Variants in TBC1D14 observed in about 807,000 individuals in gnomAD.
The protein encoded by TBC1D14 is TBC1 domain family, member 14.
A neutral mutation model predicts 79.0 loss-of-function variants in TBC1D14; 26 were observed. That is an observed-to-expected ratio of 0.33 (90% CI 0.24 to 0.46). TBC1D14 has a LOEUF of 0.46. Ranked by LOEUF, TBC1D14 falls within the 20% of genes least tolerant of loss-of-function variation. TBC1D14 has a pLI of 1.00. For missense variants in TBC1D14, 769 were observed against 887.6 expected (o/e 0.87, Z 1.70); for synonymous variants, 394 against 349.9 (o/e 1.13, Z -1.40).
chr4:6,942,876 A>G (rs1183583017), intron 2 of TBC1D14, among the ~76,000 whole-genome samples: 1 of 152,186 alleles, frequency 6.6e-6, no homozygotes, highest in African/African-American at 2.4e-5. Flanking sequence ...TATCCCTTTT[A>G]GAGGTTCGTT....
At chr4:6,930,002 C>G (rs992990642) in intron 2 of TBC1D14, among the ~76,000 whole-genome samples, 4 of 152,198 alleles carry the variant, frequency 2.6e-5, no homozygotes, top group African/African-American at 7.2e-5. Context: ...CACCCTGTCT[C>G]TTGTAACATG....
rs79639066 is a variant in TBC1D14 at position 6,965,135 on chromosome 4, A to G, written c.723-2169A>G. Among the ~76,000 whole-genome samples, 302 of 150,954 alleles carry G rather than the reference A, an allele frequency of 2.0e-3. 1 individual carries two copies. Among genetic ancestry groups the G allele is most frequent in the Non-Finnish European group, 3.2e-3 (220 of 67,864 alleles). ...GTTGTCAAATCCACAGTCTGTAACC[A>G]TACTTCATCAATTGTCCCAATAATC... On this transcript the variant is annotated intron_variant, in intron 2 of 13. Coordinates refer to ENST00000409757, the MANE Select transcript of TBC1D14 (RefSeq NM_020773.3).
At chr4:6,998,955 T>C in intron 5 of TBC1D14, 130 bp from the exon 6 acceptor site, 1 of 760,516 alleles carries the variant, frequency 1.3e-6, no homozygotes, top group Non-Finnish European at 2.2e-6. Flanking sequence ...AAGTGAGCGC[T>C]GGAGCTGATG....
intron 13 of TBC1D14, among the ~76,000 whole-genome samples, chr4:7,029,967 C>T (rs1400003429): frequency 1.3e-5 from 2 of 152,178 alleles, no homozygotes; most frequent in Non-Finnish European, 2.9e-5. Flanking sequence ...GGAGGAGGAA[C>T]AGGGTGGCAG....
chr4:6,967,481 A>G (rs994114371), intron 3 of TBC1D14, 57 bp downstream of exon 3: 1 of 1,573,884 alleles, frequency 6.4e-7, no homozygotes, highest in Non-Finnish European at 8.6e-7. Context: ...GCATATATTC[A>G]TGAACCTTGC....
Position 6,924,053 on chromosome 4 carries a change from G to A in TBC1D14, c.664G>A (p.Glu222Lys). ...CTTACACCAGCAGGACTGTGTTCAT[G>A]AAGCTGAGGAGGGGAGTAAATTGAA... is the stretch of plus-strand genomic sequence containing the variant. ...RGLHQQDCVH[E>K]AEEGSKLKIL... Residue 222 changes from glutamate (E) to lysine (K), a missense_variant, in exon 2 of 14, where the codon GAA (glutamate) becomes AAA (lysine). Around this residue, in one of 2 missense-constraint regions of TBC1D14, gnomAD observed 402 missense variants for 393.2 expected, o/e 1.02. Transcript: ENST00000409757. 1 of 1,614,084 alleles carries A rather than the reference G, an allele frequency of 6.2e-7. No individual in the cohort carries two copies. Among genetic ancestry groups the A allele is most frequent in the Non-Finnish European group, 8.5e-7 (1 of 1,180,024 alleles).
chr4:6,936,380 A>G (rs1354424951), intron 2 of TBC1D14, among the ~76,000 whole-genome samples: 4 of 152,212 alleles, frequency 2.6e-5, no homozygotes. Context: ...TGCCTTTTCC[A>G]GAATGCCATA....
intron 11 of TBC1D14, among the ~76,000 whole-genome samples, chr4:7,011,924 T>C (rs1460594225): frequency 6.6e-6 from 1 of 152,116 alleles, no homozygotes; most frequent in Non-Finnish European, 1.5e-5. Flanking sequence ...ATACTTTAGA[T>C]CATCTAGGGA....
At chr4:6,988,969 T>C (rs1414261913) in intron 3 of TBC1D14, among the ~76,000 whole-genome samples, 1 of 142,848 alleles carries the variant, frequency 7.0e-6, no homozygotes, top group Non-Finnish European at 1.5e-5. Context: ...CTTGAACTCC[T>C]GGGCTCAAGT....
rs570021103 is a variant in TBC1D14 at position 6,974,268 on chromosome 4, A to T, written c.843+6844A>T. ...AGCTGATTAGAAGAATTTTGTTTCCAAGGGGTAAAGTGTGAACCCCCCGAT... is the reference window on the plus strand; with the variant it reads ...AGCTGATTAGAAGAATTTTGTTTCCTAGGGGTAAAGTGTGAACCCCCCGAT... On this transcript the variant is annotated intron_variant, in intron 3 of 13. Transcript: ENST00000409757. Among the ~76,000 whole-genome samples the T allele has an allele frequency of 5.9e-5, 9 of 152,238 alleles. No homozygotes were observed. The East Asian group carries it at 1.5e-3, about 26-fold the overall frequency.
chr4:7,025,492 C>G (rs1722271380), intron 13 of TBC1D14, among the ~76,000 whole-genome samples: 1 of 152,208 alleles, frequency 6.6e-6, no homozygotes, highest in South Asian at 2.1e-4. Flanking sequence ...TGAAAGCCTT[C>G]CCACCTCCTC....
At chr4:6,942,167 C>T (rs914941252) in intron 2 of TBC1D14, among the ~76,000 whole-genome samples, 1 of 152,190 alleles carries the variant, frequency 6.6e-6, no homozygotes, top group Non-Finnish European at 1.5e-5. Flanking sequence ...CTCCTATTTC[C>T]TATCTTAAAT....
chr4:7,017,330 G>T (rs1577178917), intron 12 of TBC1D14, among the ~76,000 whole-genome samples: 1 of 152,042 alleles, frequency 6.6e-6, no homozygotes, highest in Non-Finnish European at 1.5e-5. Context: ...TAAAACTGAG[G>T]CTCAGAGAGG....
At chr4:6,915,683 T>C (rs972361847) in intron 1 of TBC1D14, among the ~76,000 whole-genome samples, 1 of 152,058 alleles carries the variant, frequency 6.6e-6, no homozygotes, top group African/African-American at 2.4e-5. Flanking sequence ...ACTCATTAAA[T>C]TGCCATCCTG....
At chr4:6,992,274 C>T (rs1389101448) in intron 3 of TBC1D14, among the ~76,000 whole-genome samples, 1 of 152,224 alleles carries the variant, frequency 6.6e-6, no homozygotes, top group African/African-American at 2.4e-5. Context: ...GCAGAGGCCA[C>T]ACCTAAGCCG....
chr4:6,996,455 G>A (rs756629037), intron 5 of TBC1D14, 48 bp downstream of exon 5: 1 of 1,397,064 alleles, frequency 7.2e-7, no homozygotes, highest in East Asian at 2.3e-5. Flanking sequence ...CACAGGGTTT[G>A]TGTCTTTCTG....
intron 1 of TBC1D14, among the ~76,000 whole-genome samples, chr4:6,918,754 T>A (rs1205936127): frequency 6.6e-6 from 1 of 152,240 alleles, no homozygotes; most frequent in African/African-American, 2.4e-5. Flanking sequence ...GTTGATGATG[T>A]TTTGATAATT....
intron 3 of TBC1D14, chr4:6,987,340 G>C: frequency 7.0e-7 from 1 of 1,423,394 alleles, no homozygotes; most frequent in Non-Finnish European, 9.2e-7. Flanking sequence ...CTAAGGCCCC[G>C]GCGTTCATGG....
chr4:6,985,616 ATCTTT>A (rs1480534303), intron 3 of TBC1D14, among the ~76,000 whole-genome samples: 1 of 152,218 alleles, frequency 6.6e-6, no homozygotes, highest in Non-Finnish European at 1.5e-5. Context: ...CTTTGGGGTT[ATCTTT>A]TCTTTTGGAC....
Sources: allele counts gnomAD v4.1 joint callset (sites outside exome capture counted in the v4.1 genomes callset), GRCh38; gene constraint gnomAD v4.1.1; regional missense constraint gnomAD v4.1.1; transcripts MANE v1.5; gene names NCBI Gene and HGNC (gene_info 2026-07-23, HGNC 2026-07-21).